Variants in SLC39A9 observed in about 807,000 individuals in gnomAD.
SLC39A9 encodes the protein solute carrier family 39 member 9.
Under a neutral mutation model 28.4 loss-of-function variants are expected in SLC39A9, and 14 were observed. That is an observed-to-expected ratio of 0.49 (90% CI 0.33 to 0.77). SLC39A9 has a LOEUF of 0.77. SLC39A9 is among the 30% of genes least tolerant of loss of function. The pLI is 0.02. For missense variants in SLC39A9, 283 were observed against 381.1 expected, an observed-to-expected ratio of 0.74 and a Z score of 2.14; for synonymous variants, 119 against 149.6, an observed-to-expected ratio of 0.80 and a Z score of 1.49.
At position 69,460,564 on chromosome 14, in the gene SLC39A9, G is replaced by A. The variant is rs1248448854; in HGVS notation, c.*1971G>A. 15 of 985,278 alleles carry A rather than the reference G, an allele frequency of 1.5e-5. No individual in the cohort carries two copies. The highest frequency in any genetic ancestry group is 1.8e-5 in the Non-Finnish European group (15 of 829,936). The allele number at this position is 985,278 out of a possible 1,614,324, so 61.0% of individuals were successfully genotyped here. On this transcript the variant is annotated 3_prime_UTR_variant, in exon 7 of 7. Transcript: ENST00000336643. Reference sequence around the variant, plus strand: ...AGATTGTAGTGTCTGGTTTGGTTTGGACAGTAGTGCTTTCTATCATATTGT... The same window carrying A: ...AGATTGTAGTGTCTGGTTTGGTTTGAACAGTAGTGCTTTCTATCATATTGT...
At chr14:69,430,687 G>A (rs899496568) in intron 2 of SLC39A9, among the ~76,000 whole-genome samples, 1 of 148,044 alleles carries the variant, frequency 6.8e-6, no homozygotes, top group Admixed American at 6.8e-5. Context: ...GGAGTGTGCA[G>A]TGGCATGATC....
At chr14:69,447,005 G>C (rs1208928600) in intron 3 of SLC39A9, among the ~76,000 whole-genome samples, 1 of 150,664 alleles carries the variant, frequency 6.6e-6, no homozygotes, top group Non-Finnish European at 1.5e-5. Context: ...ATAGTAGAAT[G>C]CTCCAATTAT....
intron 1 of SLC39A9, 40 bp downstream of exon 1, chr14:69,399,505 T>C: frequency 6.5e-7 from 1 of 1,544,656 alleles, no homozygotes; most frequent in African/African-American, 1.4e-5. Context: ...TCAGGATGGC[T>C]GTGAGATAGT....
At chr14:69,453,584 G>A (rs919337035) in intron 4 of SLC39A9, among the ~76,000 whole-genome samples, 3 of 152,112 alleles carry the variant, frequency 2.0e-5, no homozygotes, top group Non-Finnish European at 4.4e-5. Flanking sequence ...TTCAAATTAA[G>A]GAAGTTTTAT....
At chr14:69,429,373 A>G (rs1434911532) in intron 2 of SLC39A9, 1 of 148,374 alleles carries the variant, frequency 6.7e-6, no homozygotes, top group East Asian at 2.0e-4. Context: ...GTGGTATTTC[A>G]TTGTTTGCAT....
chr14:69,409,079 T>C (rs1367206841), intron 1 of SLC39A9, among the ~76,000 whole-genome samples: 1 of 152,356 alleles, frequency 6.6e-6, no homozygotes, highest in East Asian at 1.9e-4. Flanking sequence ...ATATAGGCTT[T>C]AATTAAATTA....
rs1200119670 is a variant in SLC39A9, at chr14:69,460,484, A to C, written c.*1891A>C. 1 of 985,332 alleles carries C rather than the reference A, an allele frequency of 1.0e-6. No homozygotes were observed. Among genetic ancestry groups the C allele is most frequent in the Non-Finnish European group, 1.2e-6 (1 of 829,922 alleles). 61.0% of individuals were successfully genotyped at this position (985,332 alleles called of 1,614,324 possible). A position where few individuals can be genotyped will look rare whatever the true frequency, so the allele number is the denominator to read the frequency against. ...ACTTGAGGTTTCATCTAGTCCTTCA[A>C]AACTATATGGTTGCCTAGATTCTCT... On this transcript the variant is annotated 3_prime_UTR_variant, in exon 7 of 7. Transcript: ENST00000336643.
chr14:69,429,847 C>T (rs1025771720), intron 2 of SLC39A9, among the ~76,000 whole-genome samples: 1 of 152,178 alleles, frequency 6.6e-6, no homozygotes, highest in African/African-American at 2.4e-5. Flanking sequence ...TTCCAGTTCT[C>T]CCCTTCCTTG....
At chr14:69,398,469 G>C (rs1882432578), upstream of SLC39A9, 2 of 601,588 alleles carry the variant, frequency 3.3e-6, no homozygotes, top group South Asian at 4.0e-5. Context: ...AAGTTTCCAA[G>C]CTTTAGGAAG....
In SLC39A9 at chr14:69,412,160, C is replaced by T. The variant is rs566477722; in HGVS notation, c.97-11934C>T. Among the ~76,000 whole-genome samples, 751 of 151,002 alleles carry T rather than the reference C, an allele frequency of 5.0e-3. 6 individuals carry two copies. The highest frequency in any genetic ancestry group is 0.018 in the African/African-American group (724 of 41,310). ...ATCCCAGCACTTTGGGAGGCCGAGGCGGGTGGATCACGAGGTCAGGAGATC... is the reference window on the plus strand; with the variant it reads ...ATCCCAGCACTTTGGGAGGCCGAGGTGGGTGGATCACGAGGTCAGGAGATC... On this transcript the variant is annotated intron_variant, in intron 1 of 6. Transcript: ENST00000336643.
chr14:69,439,777 TCC>T (rs1262909344), intron 2 of SLC39A9, among the ~76,000 whole-genome samples: 1 of 152,138 alleles, frequency 6.6e-6, no homozygotes, highest in East Asian at 1.9e-4. Flanking sequence ...ATGGCACCCC[TCC>T]CCTCTCTCGT....
At chr14:69,401,277 G>C (rs778289081) in intron 1 of SLC39A9, among the ~76,000 whole-genome samples, 4 of 152,168 alleles carry the variant, frequency 2.6e-5, no homozygotes, top group Non-Finnish European at 5.9e-5. Context: ...GCAGCTGTTA[G>C]GCACAGTCCT....
Position 69,399,600 on chromosome 14 carries a change from A to C in SLC39A9, c.96+135A>C. ...TAAGAAAGACTATCTTTTTTAAAAG[A>C]TACATGACACTTAATAATAGAAAGA... is the stretch of plus-strand genomic sequence containing the variant. On this transcript the variant is annotated intron_variant, in intron 1 of 6. Coordinates refer to ENST00000336643, the MANE Select transcript of SLC39A9 (RefSeq NM_018375.5). The C allele has an allele frequency of 6.1e-6, 4 of 650,918 alleles. No individual in the cohort carries two copies. The South Asian group carries it at 7.8e-5, about 13-fold the overall frequency. The allele number at this position is 650,918 out of a possible 1,614,324, so 40.3% of individuals were successfully genotyped here. A position where few individuals can be genotyped will look rare whatever the true frequency, so the allele number is the denominator to read the frequency against.
chr14:69,411,572 G>A (rs998826403), intron 1 of SLC39A9, among the ~76,000 whole-genome samples: 1 of 152,008 alleles, frequency 6.6e-6, no homozygotes, highest in Non-Finnish European at 1.5e-5. Context: ...AATGACACTT[G>A]GAATTTGTAG....
At chr14:69,405,701 C>T (rs961656549) in intron 1 of SLC39A9, among the ~76,000 whole-genome samples, 4 of 152,204 alleles carry the variant, frequency 2.6e-5, no homozygotes, top group African/African-American at 9.6e-5. Flanking sequence ...ATTATTGTTT[C>T]ATAAGGATCC....
At chr14:69,416,020 A>C (rs927176642) in intron 1 of SLC39A9, among the ~76,000 whole-genome samples, 1 of 152,090 alleles carries the variant, frequency 6.6e-6, no homozygotes, top group Non-Finnish European at 1.5e-5. Flanking sequence ...TGCTGCACCC[A>C]TTAACTCGCC....
At chr14:69,415,688 A>G (rs549405163) in intron 1 of SLC39A9, among the ~76,000 whole-genome samples, 1 of 152,248 alleles carries the variant, frequency 6.6e-6, no homozygotes, top group Admixed American at 6.5e-5. Flanking sequence ...GCAAGTATTA[A>G]TTGGTGTTGA....
At chr14:69,418,136 C>A (rs1452023614) in intron 1 of SLC39A9, among the ~76,000 whole-genome samples, 1 of 152,010 alleles carries the variant, frequency 6.6e-6, no homozygotes, top group Non-Finnish European at 1.5e-5. Flanking sequence ...TGAGGTACGT[C>A]CCATCAGTAC....
chr14:69,442,223 G>A lies in SLC39A9; in HGVS notation c.360G>A (p.Leu120=). ...VSLVLGFVFM[L]LVDQIGNSHV... Reference sequence around the variant, plus strand: ...TCGTTCTGGGCTTCGTTTTCATGTTGCTGGTGGACCAGATTGGTAACTCCC... The same window carrying A: ...TCGTTCTGGGCTTCGTTTTCATGTTACTGGTGGACCAGATTGGTAACTCCC... Residue 120 remains leucine (L), a synonymous_variant, in exon 3 of 7, where the codon TTG becomes TTA. Coordinates refer to ENST00000336643, the MANE Select transcript of SLC39A9 (RefSeq NM_018375.5). 6.2e-7 allele frequency: 1 copy of A among 1,614,184 alleles called. No individual in the cohort carries two copies. The highest frequency in any genetic ancestry group is 8.5e-7 in the Non-Finnish European group (1 of 1,180,038).
Sources: allele counts gnomAD v4.1 joint callset (sites outside exome capture counted in the v4.1 genomes callset), GRCh38; gene constraint gnomAD v4.1.1; transcripts MANE v1.5; gene names NCBI Gene and HGNC (gene_info 2026-07-23, HGNC 2026-07-21).